The following FHIT variants were observed in gnomAD, a reference collection of about 807,000 sequenced individuals.
The protein encoded by FHIT is fragile histidine triad diadenosine triphosphatase.
In FHIT, 19 loss-of-function variants were observed where a neutral mutation model predicts 17.9. The observed-to-expected ratio is 1.06, with a 90% CI of 0.74 to 1.56. The LOEUF is 1.56. FHIT is among the 40% of genes most tolerant of loss of function. The pLI, the probability that FHIT is intolerant of heterozygous loss-of-function variation, is 0.00. For synonymous variants in FHIT, 81 were observed against 69.7 expected, an observed-to-expected ratio of 1.16 and a Z score of -0.81; for missense variants, 248 against 189.2, an observed-to-expected ratio of 1.31 and a Z score of -1.82.
chr3:60,296,950 A>G (rs563799422), intron 5 of FHIT, among the ~76,000 whole-genome samples: 1 of 147,992 alleles, frequency 6.8e-6, no homozygotes, highest in African/African-American at 2.5e-5. Flanking sequence ...ACCAGTGGGC[A>G]TATTTGTGTA....
intron 3 of FHIT, among the ~76,000 whole-genome samples, chr3:60,892,744 G>C (rs1170372507): frequency 2.0e-5 from 3 of 152,118 alleles, no homozygotes; most frequent in Non-Finnish European, 4.4e-5. Flanking sequence ...ATTAAATTCT[G>C]CCATCTAGGA....
intron 4 of FHIT, among the ~76,000 whole-genome samples, chr3:60,567,859 G>GAAA (rs2037197887): frequency 1.3e-5 from 2 of 151,230 alleles, no homozygotes; most frequent in African/African-American, 4.8e-5. Flanking sequence ...TGAAAAAAAC[G>GAAA]CTCATCATCA....
In FHIT at chr3:60,082,418, T is replaced by C. The variant is rs146188061; in HGVS notation, c.104-68266A>G. Reference sequence around the variant, plus strand: ...GATTTCATGTCTTTGCTATTGTAAATAGTGCTACAATAAACATACAGGTAG... The same window carrying C: ...GATTTCATGTCTTTGCTATTGTAAACAGTGCTACAATAAACATACAGGTAG... On this transcript the variant is annotated intron_variant, in intron 5 of 9. Transcript: ENST00000492590. Among the ~76,000 whole-genome samples, 49 of 152,244 alleles carry C rather than the reference T, an allele frequency of 3.2e-4. 1 individual carries two copies. The highest frequency in any genetic ancestry group is 5.2e-4 in the Admixed American group (8 of 15,268).
intron 5 of FHIT, among the ~76,000 whole-genome samples, chr3:60,286,553 C>A (rs1233905518): frequency 6.6e-6 from 1 of 152,110 alleles, no homozygotes; most frequent in African/African-American, 2.4e-5. Context: ...ATCTTTCTCT[C>A]ACAGTGATAT....
chr3:60,684,547 C>A (rs1216805895), intron 4 of FHIT, among the ~76,000 whole-genome samples: 1 of 152,128 alleles, frequency 6.6e-6, no homozygotes, highest in Non-Finnish European at 1.5e-5. Flanking sequence ...TCCCTCCTCA[C>A]ACCTCAGATT....
At position 60,547,893 on chromosome 3, in the gene FHIT, C is replaced by T. The variant is rs147765687; in HGVS notation, c.-17-10914G>A. 1.7e-3 allele frequency among the ~76,000 whole-genome samples: 262 copies of T among 152,208 alleles called. 4 individuals carry two copies. Among genetic ancestry groups the T allele is most frequent in the African/African-American group, 5.7e-3 (236 of 41,526 alleles). On this transcript the variant is annotated intron_variant, in intron 4 of 9. Transcript: ENST00000492590. Reference sequence around the variant, plus strand: ...ATGCAGGCCCCAAACTGGGAAATCTCCAAGCTGTGAACAGGAACTGACAAT... The same window carrying T: ...ATGCAGGCCCCAAACTGGGAAATCTTCAAGCTGTGAACAGGAACTGACAAT...
intron 5 of FHIT, among the ~76,000 whole-genome samples, chr3:60,208,816 C>T (rs913105986): frequency 1.3e-5 from 2 of 152,092 alleles, no homozygotes; most frequent in Admixed American, 6.6e-5. Flanking sequence ...AGGTGAATGA[C>T]ATCAGAGAGC....
intron 2 of FHIT, among the ~76,000 whole-genome samples, chr3:61,109,304 G>T (rs2036084248): frequency 1.3e-5 from 2 of 152,164 alleles, no homozygotes; most frequent in Admixed American, 6.5e-5. Flanking sequence ...GGTGTCCCAA[G>T]CTAAGAATCC....
chr3:60,895,706 CT>C (rs1302103854), intron 3 of FHIT, among the ~76,000 whole-genome samples: 1 of 141,222 alleles, frequency 7.1e-6, no homozygotes. Context: ...TTCTTTCTTT[CT>C]TTCTTTCTTT....
intron 5 of FHIT, among the ~76,000 whole-genome samples, chr3:60,500,078 A>T (rs2034462020): frequency 6.6e-6 from 1 of 152,242 alleles, no homozygotes; most frequent in African/African-American, 2.4e-5. Flanking sequence ...TTACATATTC[A>T]TTCATTTACA....
intron 4 of FHIT, among the ~76,000 whole-genome samples, chr3:60,714,321 A>G (rs2041621927): frequency 6.6e-6 from 1 of 152,090 alleles, no homozygotes; most frequent in South Asian, 2.1e-4. Context: ...ACCCACAGCA[A>G]ATATCATACT....
chr3:61,008,421 G>C (rs1268305337), intron 3 of FHIT, among the ~76,000 whole-genome samples: 1 of 152,134 alleles, frequency 6.6e-6, no homozygotes, highest in Non-Finnish European at 1.5e-5. Context: ...GTGTCAGGCA[G>C]GGCTCTGCAC....
chr3:60,113,483 T>A (rs1704775011), intron 5 of FHIT, among the ~76,000 whole-genome samples: 1 of 151,854 alleles, frequency 6.6e-6, no homozygotes, highest in African/African-American at 2.4e-5. Context: ...CTTTTGGGAT[T>A]CAGTGTTACA....
intron 2 of FHIT, among the ~76,000 whole-genome samples, chr3:61,056,817 T>C (rs959739017): frequency 6.6e-6 from 1 of 152,234 alleles, no homozygotes; most frequent in Non-Finnish European, 1.5e-5. Context: ...CTGCATCAGC[T>C]ACATAGCACC....
chr3:59,779,517 A>G (rs1019483142), intron 8 of FHIT, among the ~76,000 whole-genome samples: 2 of 152,232 alleles, frequency 1.3e-5, no homozygotes, highest in African/African-American at 4.8e-5. Flanking sequence ...ATAAGGCTTT[A>G]GTTACATGAG....
intron 4 of FHIT, among the ~76,000 whole-genome samples, chr3:60,563,386 C>G (rs1284891964): frequency 1.3e-5 from 2 of 152,134 alleles, no homozygotes; most frequent in African/African-American, 4.8e-5. Context: ...ATTTTTAGAC[C>G]AACTAATAAC....
intron 4 of FHIT, among the ~76,000 whole-genome samples, chr3:60,766,163 G>C (rs782671137): frequency 9.9e-5 from 15 of 152,008 alleles, no homozygotes; most frequent in Admixed American, 6.6e-5. Flanking sequence ...TACTTGTTCT[G>C]TCCCTCTGGA....
At chr3:60,544,381 A>G (rs2036292272) in intron 4 of FHIT, among the ~76,000 whole-genome samples, 1 of 152,016 alleles carries the variant, frequency 6.6e-6, no homozygotes, top group Non-Finnish European at 1.5e-5. Context: ...GTTTTATGAA[A>G]TGCTTTTCCT....
intron 7 of FHIT, among the ~76,000 whole-genome samples, chr3:59,991,585 A>C (rs1220891979): frequency 6.6e-6 from 1 of 152,046 alleles, no homozygotes; most frequent in Non-Finnish European, 1.5e-5. Context: ...ATTCATTGCT[A>C]TCGGGTTATT....
Sources: gnomAD v4.1 joint callset for allele counts (sites outside exome capture counted in the v4.1 genomes callset) on GRCh38, gnomAD v4.1.1 for gene constraint, MANE v1.5 for transcripts, NCBI Gene and HGNC (gene_info 2026-07-23, HGNC 2026-07-21) for gene names.